Variants in CPNE5 observed in about 807,000 individuals in gnomAD.
CPNE5 encodes the protein copine-5.
CPNE5 carries 42 observed loss-of-function variants against 81.1 expected under a neutral mutation model. The ratio of observed to expected loss-of-function variants is 0.52; its 90% CI spans 0.40 to 0.67. The LOEUF (loss-of-function observed/expected upper bound fraction) is 0.67. Ranked by LOEUF, CPNE5 falls within the 30% of genes least tolerant of loss-of-function variation. CPNE5 has a pLI of 0.00. For synonymous variants in CPNE5, 313 were observed against 321.5 expected (o/e 0.97, Z 0.28); for missense variants, 612 against 815.5 (o/e 0.75, Z 3.04).
At chr6:36,774,846 G>A (rs1180918354) in intron 10 of CPNE5, 115 bp downstream of exon 10, 2 of 772,124 alleles carry the variant, frequency 2.6e-6, no homozygotes, top group South Asian at 1.7e-5. Flanking sequence ...ACTCCAGAAG[G>A]CCTCATTTCT....
intron 7 of CPNE5, among the ~76,000 whole-genome samples, chr6:36,794,067 G>T (rs987473936): frequency 6.6e-6 from 1 of 152,168 alleles, no homozygotes; most frequent in Admixed American, 6.5e-5. Flanking sequence ...CTGGCCCACC[G>T]CAGCTGGCGA....
rs148404792 is a variant in CPNE5 at position 36,747,810 on chromosome 6, C to T, written c.1018+411G>A. ...GCCCCAGCCAGGTAAGGACTGGGGT[C>T]CCTGGGCTGGATCCTGCCTCCCTGA... is the stretch of plus-strand genomic sequence containing the variant. On this transcript the variant is annotated intron_variant, in intron 15 of 20. Transcript: ENST00000244751. 1.6e-3 allele frequency among the ~76,000 whole-genome samples: 245 copies of T among 152,332 alleles called. 1 individual carries two copies. The highest frequency in any genetic ancestry group is 5.5e-3 in the African/African-American group (230 of 41,582).
At chr6:36,813,905 G>A (rs757834479) in intron 3 of CPNE5, among the ~76,000 whole-genome samples, 60 of 152,256 alleles carry the variant, frequency 3.9e-4, no homozygotes, top group Non-Finnish European at 7.1e-4. Flanking sequence ...GGTAGATTGC[G>A]GTTAATATTT....
intron 3 of CPNE5, among the ~76,000 whole-genome samples, chr6:36,808,334 A>G (rs757344082): frequency 1.3e-5 from 2 of 151,356 alleles, no homozygotes; most frequent in Non-Finnish European, 2.9e-5. Context: ...CAGGTAATCC[A>G]CCCCCAACCG....
chr6:36,793,605 T>TTC (rs1188454062), intron 7 of CPNE5, among the ~76,000 whole-genome samples: 1 of 151,978 alleles, frequency 6.6e-6, no homozygotes, highest in Non-Finnish European at 1.5e-5. Flanking sequence ...TGGCCTTCCT[T>TTC]TCTCTCTCTC....
At chr6:36,756,375 A>G (rs1041759853) in intron 12 of CPNE5, 77 bp from the exon 13 acceptor site, 6 of 1,256,724 alleles carry the variant, frequency 4.8e-6, no homozygotes, top group Non-Finnish European at 6.9e-6. Context: ...CCAACCACCC[A>G]TGGGTGTGGT....
chr6:36,775,861 A>G (rs530823912), intron 9 of CPNE5, among the ~76,000 whole-genome samples: 1 of 152,278 alleles, frequency 6.6e-6, no homozygotes, highest in Non-Finnish European at 1.5e-5. Flanking sequence ...TGCCTAGAAC[A>G]GTGCCTGGCA....
chr6:36,785,956 T>A (rs1339160765), intron 8 of CPNE5, among the ~76,000 whole-genome samples: 1 of 133,726 alleles, frequency 7.5e-6, no homozygotes, highest in Non-Finnish European at 1.5e-5. Context: ...GAGGTTGTAG[T>A]CAGCCGAGAC....
At chr6:36,801,795 G>T (rs928170395) in intron 3 of CPNE5, among the ~76,000 whole-genome samples, 1 of 152,160 alleles carries the variant, frequency 6.6e-6, no homozygotes, top group South Asian at 2.1e-4. Flanking sequence ...GTGACCAGGG[G>T]CAGGGTGGAG....
chr6:36,771,186 C>A (rs1299346217), intron 10 of CPNE5, among the ~76,000 whole-genome samples: 1 of 152,214 alleles, frequency 6.6e-6, no homozygotes, highest in Non-Finnish European at 1.5e-5. Context: ...GAAAGCAGAA[C>A]TGCCCCTAAC....
intron 3 of CPNE5, among the ~76,000 whole-genome samples, chr6:36,814,705 G>A (rs902812127): frequency 4.6e-5 from 7 of 152,194 alleles, no homozygotes; most frequent in African/African-American, 1.7e-4. Flanking sequence ...GGGGATGGCG[G>A]GGACACATGC....
At chr6:36,776,127 TC>T (rs1401342643) in intron 9 of CPNE5, among the ~76,000 whole-genome samples, 2 of 152,144 alleles carry the variant, frequency 1.3e-5, no homozygotes, top group African/African-American at 2.4e-5. Context: ...GCTGGACCCA[TC>T]CTGGAGGCCA....
At chr6:36,758,383 A>G (rs900958466) in intron 12 of CPNE5, among the ~76,000 whole-genome samples, 21 of 151,058 alleles carry the variant, frequency 1.4e-4, no homozygotes, top group African/African-American at 5.1e-4. Flanking sequence ...GGCTCAAGCA[A>G]TCCTTCCAGG....
At chr6:36,748,472 A>G (rs192587718) in intron 14 of CPNE5, among the ~76,000 whole-genome samples, 59 of 152,300 alleles carry the variant, frequency 3.9e-4, no homozygotes, top group Non-Finnish European at 7.6e-4. Flanking sequence ...GAGCATCAGA[A>G]GAGTTATGCA....
intron 6 of CPNE5, among the ~76,000 whole-genome samples, chr6:36,794,907 C>T (rs1466701644): frequency 1.3e-5 from 2 of 152,150 alleles, no homozygotes; most frequent in Non-Finnish European, 2.9e-5. Flanking sequence ...AATGTAAATT[C>T]CCAGGCCGAG....
rs1188298463 is a variant in CPNE5 at position 36,745,062 on chromosome 6, C to G, written c.1417G>C (p.Glu473Gln). ...TCCTTGCTTACGTTGACAATGGCCT[C>G]CTTGGTCTGCGCCATGTCCGAGATG... ...GVISDMAQTK[E>Q]AIVNAAKLPM... The change falls in exon 18 of 21, where the codon GAG (glutamate) becomes CAG (glutamine). Residue 473 changes from glutamate (E) to glutamine (Q), a missense_variant. Physicochemically the swap from Glu to Gln is conservative, Grantham distance 29. Coordinates refer to ENST00000244751, the MANE Select transcript of CPNE5 (RefSeq NM_020939.2). The G allele has an allele frequency of 1.2e-6, 2 of 1,613,642 alleles. No homozygotes were observed. Among genetic ancestry groups the G allele is most frequent in the African/African-American group, 1.3e-5 (1 of 74,926 alleles).
At chr6:36,745,545 C>G in intron 16 of CPNE5, 30 bp from the exon 17 acceptor site, 1 of 1,587,054 alleles carries the variant, frequency 6.3e-7, no homozygotes, top group Non-Finnish European at 8.6e-7. Context: ...GAGGCTGAGC[C>G]CAGGAAGGAA....
In CPNE5 at chr6:36,778,876, A is replaced by G; in HGVS notation, c.610T>C (p.Tyr204His). ...FGKSDPFLVF[Y>H]RSNEDGTFTI... ...CACGTTCCATCCTCGTTGCTTCTGTAGAATACCAAGAAGGGGTCAGATTTC... is the reference window on the plus strand; with the variant it reads ...CACGTTCCATCCTCGTTGCTTCTGTGGAATACCAAGAAGGGGTCAGATTTC... Residue 204 changes from tyrosine to histidine, a missense_variant, in exon 9 of 21, where the codon TAC (tyrosine) becomes CAC (histidine). Physicochemically the swap from Tyr to His is moderately conservative, Grantham distance 83. Transcript: ENST00000244751. 4 of 1,604,766 alleles carry G rather than the reference A, an allele frequency of 2.5e-6. No homozygotes were observed. The highest frequency in any genetic ancestry group is 3.4e-6 in the Non-Finnish European group (4 of 1,172,088).
chr6:36,786,697 C>T (rs183401300), intron 8 of CPNE5, among the ~76,000 whole-genome samples: 3 of 152,064 alleles, frequency 2.0e-5, no homozygotes, highest in Non-Finnish European at 2.9e-5. Context: ...AAATAACATG[C>T]GGCTATTAAG....
Sources: gnomAD v4.1 joint callset for allele counts (sites outside exome capture counted in the v4.1 genomes callset) on GRCh38, gnomAD v4.1.1 for gene constraint, MANE v1.5 for transcripts, NCBI Gene and HGNC (gene_info 2026-07-23, HGNC 2026-07-21) for gene names.